Variants in CCSER1 observed in about 807,000 individuals in gnomAD.
CCSER1 encodes serine-rich coiled-coil domain-containing protein 1.
Under a neutral mutation model 82.0 loss-of-function variants are expected in CCSER1, and 41 were observed. The observed-to-expected ratio is 0.50, with a 90% CI of 0.39 to 0.65. CCSER1 has a LOEUF of 0.65. CCSER1 is among the 30% of genes least tolerant of loss of function. The probability of loss-of-function intolerance (pLI) is 0.00; values close to 1 mark genes in which losing one functional copy is unlikely to be tolerated. For synonymous variants in CCSER1, 414 were observed against 383.9 expected, an observed-to-expected ratio of 1.08 and a Z score of -0.92; for missense variants, 1,119 against 1,064.2, an observed-to-expected ratio of 1.05 and a Z score of -0.72.
chr4:90,684,196 G>T (rs1365397571), intron 6 of CCSER1, among the ~76,000 whole-genome samples: 1 of 152,068 alleles, frequency 6.6e-6, no homozygotes, highest in East Asian at 1.9e-4. Flanking sequence ...TTTATTTTGG[G>T]ATATACTAAT....
intron 10 of CCSER1, among the ~76,000 whole-genome samples, chr4:91,446,693 A>ATATATAT (rs1560679159): frequency 6.9e-6 from 1 of 144,280 alleles, no homozygotes; most frequent in Admixed American, 6.9e-5. Context: ...ATATATATAT[A>ATATATAT]ATAGTCCTGC....
chr4:90,664,658 T>G (rs146634115), intron 6 of CCSER1, among the ~76,000 whole-genome samples: 25,506 of 152,182 alleles, frequency 0.17, 2,718 homozygotes, highest in Middle Eastern at 0.29. Context: ...CCCAGCACTT[T>G]GTGAGGCCAA....
At chr4:91,005,804 C>T (rs948348914) in intron 9 of CCSER1, among the ~76,000 whole-genome samples, 2 of 152,138 alleles carry the variant, frequency 1.3e-5, no homozygotes, top group Non-Finnish European at 2.9e-5. Context: ...ATCCAATTTT[C>T]CCAGCAACAC....
chr4:90,386,599 A>G (rs547365763), intron 3 of CCSER1, among the ~76,000 whole-genome samples: 7 of 152,332 alleles, frequency 4.6e-5, no homozygotes, highest in South Asian at 2.1e-4. Context: ...ACCTACACCA[A>G]TGATTTATGA....
At chr4:90,958,920 G>C (rs936630068) in intron 9 of CCSER1, among the ~76,000 whole-genome samples, 2 of 152,088 alleles carry the variant, frequency 1.3e-5, no homozygotes, top group Non-Finnish European at 1.5e-5. Flanking sequence ...TAGATTATTA[G>C]AGTATAATTT....
chr4:91,482,169 G>A (rs1349238285), intron 10 of CCSER1, among the ~76,000 whole-genome samples: 2 of 150,200 alleles, frequency 1.3e-5, no homozygotes, highest in South Asian at 2.1e-4. Flanking sequence ...TTGGGAGGCT[G>A]AGGCGGGTGG....
chr4:91,463,575 G>T (rs572988194), intron 10 of CCSER1, among the ~76,000 whole-genome samples: 30 of 152,148 alleles, frequency 2.0e-4, no homozygotes, highest in Non-Finnish European at 2.9e-5. Flanking sequence ...GAGGAAGTTC[G>T]AACCCATCGC....
At chr4:90,900,657 G>T (rs943467746) in intron 8 of CCSER1, among the ~76,000 whole-genome samples, 22 of 151,834 alleles carry the variant, frequency 1.4e-4, no homozygotes, top group African/African-American at 5.3e-4. Flanking sequence ...GGTCTGAGAA[G>T]TTGCTTGATA....
intron 1 of CCSER1, among the ~76,000 whole-genome samples, chr4:90,232,759 A>T (rs1266357018): frequency 2.7e-5 from 4 of 149,464 alleles, no homozygotes; most frequent in Non-Finnish European, 6.0e-5. Flanking sequence ...TCTACAATGA[A>T]CTCAAACAAA....
chr4:90,531,071 T>G lies in CCSER1; in HGVS notation c.1724+62717T>G, dbSNP rs1774454010. ...TACGAATTTAGTTCATGTTTGTTTA[T>G]AAGCCATGTAACATCTGTGAATTAG... is the stretch of plus-strand genomic sequence containing the variant. On this transcript the variant is annotated intron_variant, in intron 5 of 10. Coordinates refer to ENST00000509176, the MANE Select transcript of CCSER1 (RefSeq NM_001145065.2). 2.0e-5 allele frequency among the ~76,000 whole-genome samples: 3 copies of G among 152,196 alleles called. No homozygotes were observed. The South Asian group carries it at 6.2e-4, about 32-fold the overall frequency.
Position 91,580,349 on chromosome 4 carries a change from G to A in CCSER1, c.2218-18223G>A, listed in dbSNP as rs185149647. Among the ~76,000 whole-genome samples, 276 of 151,810 alleles carry A rather than the reference G, an allele frequency of 1.8e-3. 2 individuals carry two copies. The highest frequency in any genetic ancestry group is 6.3e-3 in the African/African-American group (260 of 41,484). Reference sequence around the variant, plus strand: ...CAGCCTAGTATTTCCTGTGTGCCAGGTATTGTGCTAAGCACATTCCATACA... The same window carrying A: ...CAGCCTAGTATTTCCTGTGTGCCAGATATTGTGCTAAGCACATTCCATACA... On this transcript the variant is annotated intron_variant, in intron 10 of 10. Coordinates refer to ENST00000509176, the MANE Select transcript of CCSER1 (RefSeq NM_001145065.2).
intron 1 of CCSER1, among the ~76,000 whole-genome samples, chr4:90,290,171 T>C (rs527482654): frequency 2.0e-4 from 30 of 152,030 alleles, no homozygotes; most frequent in African/African-American, 7.2e-4. Flanking sequence ...TATATTCCAT[T>C]ACCATTAACT....
At chr4:90,448,482 TATA>T (rs1560533228) in intron 4 of CCSER1, among the ~76,000 whole-genome samples, 11 of 134,422 alleles carry the variant, frequency 8.2e-5, no homozygotes, top group African/African-American at 3.2e-4. Flanking sequence ...TATATATATA[TATA>T]GCACTTTTCT....
At chr4:90,687,429 C>A (rs1735021983) in intron 6 of CCSER1, among the ~76,000 whole-genome samples, 1 of 151,866 alleles carries the variant, frequency 6.6e-6, no homozygotes, top group Non-Finnish European at 1.5e-5. Context: ...GACACTTGTT[C>A]TTTAGGATTT....
At chr4:90,587,106 G>A (rs1024786417) in intron 5 of CCSER1, among the ~76,000 whole-genome samples, 9 of 152,182 alleles carry the variant, frequency 5.9e-5, no homozygotes, top group Non-Finnish European at 1.0e-4. Flanking sequence ...ATGGATCAAG[G>A]TCATGAGCCA....
intron 1 of CCSER1, among the ~76,000 whole-genome samples, chr4:90,170,886 A>G (rs1448773681): frequency 6.6e-6 from 1 of 151,872 alleles, no homozygotes; most frequent in African/African-American, 2.4e-5. Context: ...TGTAGCTAGC[A>G]GTGGGATTGC....
chr4:91,438,637 G>A (rs987864308), intron 10 of CCSER1, among the ~76,000 whole-genome samples: 1 of 152,210 alleles, frequency 6.6e-6, no homozygotes, highest in South Asian at 2.1e-4. Flanking sequence ...GATGGAGAAT[G>A]ACTTTGACAA....
intron 10 of CCSER1, among the ~76,000 whole-genome samples, chr4:91,472,043 C>A (rs1418450679): frequency 8.0e-5 from 12 of 150,694 alleles, no homozygotes; most frequent in Non-Finnish European, 1.5e-5. Context: ...TAAAAAAAAT[C>A]ATTAGGTCTC....
At chr4:90,673,668 A>G (rs11097261) in intron 6 of CCSER1, among the ~76,000 whole-genome samples, 18,323 of 151,948 alleles carry the variant, frequency 0.12, 1,416 homozygotes, top group East Asian at 0.29. Context: ...TAAAGAACAC[A>G]TCTGTATTAT....
Sources: gnomAD v4.1 joint callset for allele counts (sites outside exome capture counted in the v4.1 genomes callset) on GRCh38, gnomAD v4.1.1 for gene constraint, MANE v1.5 for transcripts, NCBI Gene and HGNC (gene_info 2026-07-23, HGNC 2026-07-21) for gene names.